Variants in PPP1R9A observed in about 807,000 individuals in gnomAD.
The protein encoded by PPP1R9A is neurabin-1.
In PPP1R9A, 59 loss-of-function variants were observed where a neutral mutation model predicts 141.9. That is an observed-to-expected ratio of 0.42 (90% CI 0.34 to 0.52). The LOEUF (loss-of-function observed/expected upper bound fraction) is 0.52, where lower values mean the gene tolerates loss of function less well. Ranked by LOEUF, PPP1R9A falls within the 20% of genes least tolerant of loss-of-function variation. The pLI, the probability that PPP1R9A is intolerant of heterozygous loss-of-function variation, is 0.10. For synonymous variants in PPP1R9A, 500 were observed against 569.7 expected (o/e 0.88, Z 1.74); for missense variants, 1,444 against 1,611.9 (o/e 0.90, Z 1.78).
At chr7:94,937,069 T>C (rs939175225) in intron 2 of PPP1R9A, among the ~76,000 whole-genome samples, 5 of 152,180 alleles carry the variant, frequency 3.3e-5, no homozygotes, top group African/African-American at 4.8e-5. Flanking sequence ...AAATGTGCCC[T>C]AACTTATTAT....
rs202186543 is a variant in PPP1R9A, at chr7:95,208,114, C to T, written c.1956+4384C>T. ...CATGAGAAATAACCATGGCATTTCA[C>T]ATGCTTTAAAATGGAAATAATTATT... On this transcript the variant is annotated intron_variant, in intron 7 of 19. Transcript: ENST00000433360. 9.2e-5 allele frequency among the ~76,000 whole-genome samples: 14 copies of T among 152,228 alleles called. No individual in the cohort carries two copies. The East Asian group carries it at 2.7e-3, about 29-fold the overall frequency.
intron 2 of PPP1R9A, among the ~76,000 whole-genome samples, chr7:95,070,995 G>GA (rs1185523042): frequency 2.6e-5 from 4 of 151,816 alleles, no homozygotes; most frequent in Non-Finnish European, 4.4e-5. Flanking sequence ...ATATCAAGGG[G>GA]AAAAAGAGGA....
At chr7:95,187,728 T>C (rs908767170) in intron 5 of PPP1R9A, among the ~76,000 whole-genome samples, 1 of 152,166 alleles carries the variant, frequency 6.6e-6, no homozygotes, top group African/African-American at 2.4e-5. Flanking sequence ...GTTCAAAGAA[T>C]GTTTAAATTT....
chr7:95,157,088 C>G (rs997199027), intron 4 of PPP1R9A: 1 of 152,562 alleles, frequency 6.6e-6, no homozygotes, highest in Non-Finnish European at 1.5e-5. Flanking sequence ...CAGGGATCTG[C>G]CCTCTTCTGC....
At chr7:94,936,651 GGTGTGT>G (rs35730484) in intron 2 of PPP1R9A, among the ~76,000 whole-genome samples, 149 of 82,208 alleles carry the variant, frequency 1.8e-3, no homozygotes, top group Middle Eastern at 0.015. Flanking sequence ...ACTGTGTAGG[GGTGTGT>G]GTGTGTGTGT....
At chr7:95,091,623 C>G (rs150364081) in intron 2 of PPP1R9A, among the ~76,000 whole-genome samples, 83 of 151,796 alleles carry the variant, frequency 5.5e-4, no homozygotes, top group Non-Finnish European at 9.9e-4. Context: ...GGATTACAGG[C>G]GTGAGCCACC....
chr7:94,929,130 G>A (rs556904268), intron 2 of PPP1R9A, among the ~76,000 whole-genome samples: 11 of 152,096 alleles, frequency 7.2e-5, no homozygotes, highest in East Asian at 5.8e-4. Flanking sequence ...TTCAATTATC[G>A]GACAAATTCT....
At chr7:95,156,497 G>A (rs1311266092) in intron 4 of PPP1R9A, 1 of 152,420 alleles carries the variant, frequency 6.6e-6, no homozygotes, top group Admixed American at 6.5e-5. Flanking sequence ...TAGGTCCCGA[G>A]TTCTTGTCCT....
At chr7:94,984,454 C>G (rs934380554) in intron 2 of PPP1R9A, among the ~76,000 whole-genome samples, 3 of 152,080 alleles carry the variant, frequency 2.0e-5, no homozygotes, top group Non-Finnish European at 4.4e-5. Flanking sequence ...GTGAATCCAT[C>G]TGGTCTCGGA....
At chr7:95,132,302 G>A (rs1159768144) in intron 4 of PPP1R9A, among the ~76,000 whole-genome samples, 2 of 152,012 alleles carry the variant, frequency 1.3e-5, no homozygotes, top group Non-Finnish European at 2.9e-5. Context: ...TGCCCATTTG[G>A]CCTAATGTTG....
chr7:95,258,123 A>C (rs1250265480), intron 12 of PPP1R9A, among the ~76,000 whole-genome samples: 1 of 151,788 alleles, frequency 6.6e-6, no homozygotes, highest in African/African-American at 2.4e-5. Flanking sequence ...ACTAGTTTAC[A>C]GTCCCACCAA....
chr7:94,983,079 C>T (rs988218224), intron 2 of PPP1R9A, among the ~76,000 whole-genome samples: 2 of 152,058 alleles, frequency 1.3e-5, no homozygotes, highest in Non-Finnish European at 2.9e-5. Context: ...ATAGGGAATT[C>T]CTATTTAATA....
chr7:94,955,686 G>T (rs561822401), intron 2 of PPP1R9A, among the ~76,000 whole-genome samples: 27 of 152,248 alleles, frequency 1.8e-4, no homozygotes, highest in Non-Finnish European at 2.2e-4. Context: ...ATTTGAAGCA[G>T]AACTAGGACT....
intron 5 of PPP1R9A, among the ~76,000 whole-genome samples, chr7:95,184,111 T>A (rs553063792): frequency 2.0e-5 from 3 of 152,308 alleles, no homozygotes; most frequent in African/African-American, 7.2e-5. Context: ...TTAACTACTG[T>A]CAGCAAACTA....
At chr7:95,188,519 C>T (rs996852577) in intron 5 of PPP1R9A, among the ~76,000 whole-genome samples, 2 of 151,396 alleles carry the variant, frequency 1.3e-5, no homozygotes, top group Non-Finnish European at 2.9e-5. Context: ...CTATTTTATT[C>T]ATCACACTAG....
At chr7:95,288,743 G>C in intron 19 of PPP1R9A, 25 bp downstream of exon 19, 1 of 1,606,270 alleles carries the variant, frequency 6.2e-7, no homozygotes, top group Non-Finnish European at 8.5e-7. Flanking sequence ...GTCTGTCTTA[G>C]GTTACCAGGT....
At chr7:95,010,827 T>G (rs1270036772) in intron 2 of PPP1R9A, among the ~76,000 whole-genome samples, 1 of 152,158 alleles carries the variant, frequency 6.6e-6, no homozygotes, top group Non-Finnish European at 1.5e-5. Context: ...TTTTAAAATT[T>G]AAAGATAAAC....
rs141254402 is a variant in PPP1R9A, at chr7:95,194,298, T to C, written c.1755-4051T>C. Among the ~76,000 whole-genome samples, 122 of 152,184 alleles carry C rather than the reference T, an allele frequency of 8.0e-4. 2 individuals are homozygous for C. The East Asian group carries it at 0.019, about 23-fold the overall frequency. ...GATTCTTTAAGCATGTTAAAGACTT[T>C]ATGTATCTTTAACCATAAAAAACAT... On this transcript the variant is annotated intron_variant, in intron 5 of 19. Transcript: ENST00000433360.
chr7:95,190,753 C>G (rs1479547172), intron 5 of PPP1R9A, among the ~76,000 whole-genome samples: 4 of 152,272 alleles, frequency 2.6e-5, no homozygotes, highest in Middle Eastern at 3.4e-3. Flanking sequence ...TCTGTGAATT[C>G]TTTTAGTTTT....
Sources: allele counts gnomAD v4.1 joint callset (sites outside exome capture counted in the v4.1 genomes callset), GRCh38; gene constraint gnomAD v4.1.1; transcripts MANE v1.5; gene names NCBI Gene and HGNC (gene_info 2026-07-23, HGNC 2026-07-21).